NRG1: variants seen among roughly 807,000 people sequenced by gnomAD.
NRG1 encodes the protein neuregulin 1.
A neutral mutation model predicts 63.8 loss-of-function variants in NRG1; 18 were observed. That is an observed-to-expected ratio of 0.28 (90% CI 0.19 to 0.42). The LOEUF (loss-of-function observed/expected upper bound fraction) is 0.42. NRG1 is among the 10% of genes least tolerant of loss of function. NRG1 has a pLI of 1.00. For missense variants in NRG1, 762 were observed against 814.7 expected (o/e 0.94, Z 0.79); for synonymous variants, 302 against 301.3 (o/e 1.00, Z -0.02).
chr8:32,294,837 C>T (rs1009192747), intron 1 of NRG1, among the ~76,000 whole-genome samples: 1 of 152,160 alleles, frequency 6.6e-6, no homozygotes, highest in African/African-American at 2.4e-5. Flanking sequence ...AGTTATTTTT[C>T]GGAACTTGTG....
exon 12 of NRG1, chr8:32,767,075 T>C (rs769812381): frequency 1.1e-4 from 17 of 152,212 alleles, no homozygotes; most frequent in Non-Finnish European, 1.6e-4. Context: ...TGGAGCATAA[T>C]ACATGCAAAT....
chr8:32,640,228 GT>G lies in NRG1; in HGVS notation c.502+23349del, dbSNP rs568972155. 4.9e-5 allele frequency among the ~76,000 whole-genome samples: 7 copies of G among 144,178 alleles called. No homozygotes were observed. In the South Asian group the frequency reaches 1.5e-3, roughly 32 times the overall value. 94.6% of individuals were successfully genotyped at this position (144,178 alleles called of 152,430 possible). A position where few individuals can be genotyped will look rare whatever the true frequency, so the allele number is the denominator to read the frequency against. The stretch of plus-strand genomic sequence containing the variant: ...TCTGCATAAAGATAATGTTTCTTTT[GT>G]TTTTTCTTCTTTTTGTCACACACAC... On this transcript the variant is annotated intron_variant, in intron 5 of 11. Coordinates refer to ENST00000356819, the Ensembl canonical transcript of NRG1.
At chr8:31,887,033 C>G (rs979183678) in intron 1 of NRG1, among the ~76,000 whole-genome samples, 3 of 151,956 alleles carry the variant, frequency 2.0e-5, no homozygotes, top group Non-Finnish European at 4.4e-5. Flanking sequence ...GGAGACATAC[C>G]ATAGGTTTTC....
chr8:32,361,621 T>C (rs920774686), intron 1 of NRG1, among the ~76,000 whole-genome samples: 1 of 152,184 alleles, frequency 6.6e-6, no homozygotes, highest in Non-Finnish European at 1.5e-5. Context: ...GAGATCAGTT[T>C]TACATACTTG....
chr8:32,177,689 T>G (rs1840949113), intron 1 of NRG1, among the ~76,000 whole-genome samples: 1 of 151,852 alleles, frequency 6.6e-6, no homozygotes, highest in South Asian at 2.1e-4. Context: ...TGATTATACT[T>G]AAATATTTTT....
intron 5 of NRG1, among the ~76,000 whole-genome samples, chr8:32,712,126 C>T (rs749453395): frequency 3.3e-5 from 5 of 152,078 alleles, no homozygotes; most frequent in Non-Finnish European, 7.4e-5. Context: ...GAAACCATAT[C>T]CCAAACAGTA....
downstream of NRG1, among the ~76,000 whole-genome samples, chr8:32,772,038 T>A (rs869032727): frequency 0.15 from 197 of 1,340 alleles, 6 homozygotes; most frequent in East Asian, 0.43. Flanking sequence ...AAAAAAAAAA[T>A]ATGTATATAT....
chr8:32,656,520 AACAG>A (rs2128864296), intron 5 of NRG1, among the ~76,000 whole-genome samples: 1 of 152,282 alleles, frequency 6.6e-6, no homozygotes, highest in East Asian at 1.9e-4. Flanking sequence ...TGGTTTTTCT[AACAG>A]ACAGATATAA....
At chr8:32,362,349 G>A (rs1156817601) in intron 1 of NRG1, among the ~76,000 whole-genome samples, 28 of 152,126 alleles carry the variant, frequency 1.8e-4, no homozygotes, top group Admixed American at 1.8e-3. Context: ...TTATTTAACT[G>A]CAGAGATATA....
At chr8:32,296,154 T>G (rs1854839864) in intron 1 of NRG1, among the ~76,000 whole-genome samples, 5 of 152,122 alleles carry the variant, frequency 3.3e-5, no homozygotes, top group Admixed American at 3.3e-4. Context: ...GGCTGAGAAG[T>G]GCAGTCATTG....
chr8:32,019,123 G>T (rs1170542361), intron 1 of NRG1, among the ~76,000 whole-genome samples: 1 of 152,026 alleles, frequency 6.6e-6, no homozygotes, highest in Non-Finnish European at 1.5e-5. Flanking sequence ...TTTTGAGACG[G>T]AGTCTCACTC....
At chr8:32,693,891 A>G (rs902408869) in intron 5 of NRG1, among the ~76,000 whole-genome samples, 2 of 152,206 alleles carry the variant, frequency 1.3e-5, no homozygotes, top group Admixed American at 1.3e-4. Flanking sequence ...AGTTAGCTCT[A>G]TAGACCCTCT....
intron 1 of NRG1, among the ~76,000 whole-genome samples, chr8:32,513,390 A>G (rs79876878): frequency 3.7e-4 from 56 of 150,954 alleles, no homozygotes; most frequent in African/African-American, 1.3e-3. Context: ...AGGAGTGAAA[A>G]TTCTTGCAAC....
chr8:32,676,601 G>A (rs528930641), intron 5 of NRG1, among the ~76,000 whole-genome samples: 1 of 152,300 alleles, frequency 6.6e-6, no homozygotes, highest in East Asian at 1.9e-4. Context: ...GGTTAAATGA[G>A]ATGATATATG....
intron 1 of NRG1, among the ~76,000 whole-genome samples, chr8:31,863,011 C>T (rs1370760349): frequency 1.3e-5 from 2 of 152,154 alleles, no homozygotes; most frequent in African/African-American, 4.8e-5. Flanking sequence ...CCATTAGCTC[C>T]AGCCATATGG....
At chr8:31,759,887 C>T (rs1472529841) in intron 1 of NRG1, among the ~76,000 whole-genome samples, 1 of 152,148 alleles carries the variant, frequency 6.6e-6, no homozygotes, top group Middle Eastern at 3.4e-3. Flanking sequence ...ATTTATCTCA[C>T]CAATGTTTTG....
intron 1 of NRG1, among the ~76,000 whole-genome samples, chr8:32,566,019 C>A (rs13258892): frequency 6.6e-6 from 1 of 151,880 alleles, no homozygotes. Context: ...AGAAACCTGT[C>A]GGTAGACTCA....
intron 1 of NRG1, among the ~76,000 whole-genome samples, chr8:32,101,471 A>T (rs1221364769): frequency 7.7e-6 from 1 of 129,384 alleles, no homozygotes; most frequent in African/African-American, 2.7e-5. Context: ...TTGTTTATAG[A>T]AAGCAGATTT....
intron 1 of NRG1, among the ~76,000 whole-genome samples, chr8:32,292,834 G>C: frequency 6.6e-6 from 1 of 151,950 alleles, no homozygotes; most frequent in East Asian, 1.9e-4. Context: ...GGCTGGGCTC[G>C]GTGGCTCACG....
Sources: allele counts gnomAD v4.1 joint callset (sites outside exome capture counted in the v4.1 genomes callset), GRCh38; gene constraint gnomAD v4.1.1; transcripts MANE v1.5; gene names NCBI Gene and HGNC (gene_info 2026-07-23, HGNC 2026-07-21).